The following NCOA2 variants were observed in gnomAD, a reference collection of about 807,000 sequenced individuals.
The protein encoded by NCOA2 is nuclear receptor coactivator 2, also known as class E basic helix-loop-helix protein 75.
NCOA2 carries 21 observed loss-of-function variants against 145.1 expected under a neutral mutation model. The ratio of observed to expected loss-of-function variants is 0.14; its 90% CI spans 0.10 to 0.21. The LOEUF (loss-of-function observed/expected upper bound fraction) is 0.21, where lower values mean the gene tolerates loss of function less well. NCOA2 is among the 10% of genes least tolerant of loss of function. NCOA2 has a pLI of 1.00. For synonymous variants in NCOA2, 619 were observed against 637.5 expected, an observed-to-expected ratio of 0.97 and a Z score of 0.44; for missense variants, 1,472 against 1,837.6, an observed-to-expected ratio of 0.80 and a Z score of 3.64.
chr8:70,392,186 A>G (rs1813269600), intron 1 of NCOA2, among the ~76,000 whole-genome samples: 1 of 152,220 alleles, frequency 6.6e-6, no homozygotes. Flanking sequence ...TTTTTTTGTC[A>G]GGAACTGAAA....
intron 1 of NCOA2, among the ~76,000 whole-genome samples, chr8:70,395,117 C>T (rs1034298214): frequency 9.2e-5 from 14 of 152,144 alleles, no homozygotes; most frequent in Non-Finnish European, 2.1e-4. Context: ...TTTTCACTAC[C>T]ACTTATATTT....
At chr8:70,378,269 C>A (rs1367217689) in intron 1 of NCOA2, among the ~76,000 whole-genome samples, 1 of 151,880 alleles carries the variant, frequency 6.6e-6, no homozygotes, top group Non-Finnish European at 1.5e-5. Flanking sequence ...ATAGTGAGAC[C>A]CCATCGCCAT....
At chr8:70,116,289 C>T (rs553647425) in intron 22 of NCOA2, among the ~76,000 whole-genome samples, 1 of 151,684 alleles carries the variant, frequency 6.6e-6, no homozygotes, top group Non-Finnish European at 1.5e-5. Context: ...CAGTGGCTCA[C>T]GCCTGTAATC....
At chr8:70,124,935 G>T (rs1808252987) in intron 19 of NCOA2, 70 bp from the exon 20 acceptor site, 10 of 1,372,106 alleles carry the variant, frequency 7.3e-6, no homozygotes, top group Admixed American at 5.0e-5. Context: ...TGGTGGGGGG[G>T]AAAGAACATT....
intron 1 of NCOA2, among the ~76,000 whole-genome samples, chr8:70,394,131 C>G (rs1813450558): frequency 6.6e-6 from 1 of 152,170 alleles, no homozygotes; most frequent in African/African-American, 2.4e-5. Context: ...GAAAAGAGTA[C>G]AGTGGTGCTC....
intron 1 of NCOA2, among the ~76,000 whole-genome samples, chr8:70,346,354 T>G (rs114089166): frequency 2.3e-3 from 353 of 152,330 alleles, no homozygotes; most frequent in African/African-American, 7.5e-3. Context: ...TAAACATTTA[T>G]TACTTCTCTT....
At chr8:70,418,784 A>G in the NCOA2 span, among the ~76,000 whole-genome samples, 1 of 152,240 alleles carries the variant, frequency 6.6e-6, no homozygotes, top group Non-Finnish European at 1.5e-5. Context: ...TTTCAAAAGA[A>G]TATACATAAC....
chr8:70,348,097 A>C (rs10504473), intron 1 of NCOA2, among the ~76,000 whole-genome samples: 37,058 of 152,192 alleles, frequency 0.24, 5,657 homozygotes, highest in East Asian at 0.57. Context: ...TAAGCAAGTA[A>C]ACAATTGGCT....
chr8:70,405,935 C>A (rs1217032393), upstream of NCOA2, among the ~76,000 whole-genome samples: 1 of 152,172 alleles, frequency 6.6e-6, no homozygotes, highest in East Asian at 1.9e-4. Flanking sequence ...GTTCCATGCC[C>A]AAGTGCTACT....
At chr8:70,341,082 G>GAAAAAAAAAAAA (rs3085558) in intron 1 of NCOA2, among the ~76,000 whole-genome samples, 14 of 105,062 alleles carry the variant, frequency 1.3e-4, no homozygotes, top group African/African-American at 3.9e-4. Context: ...TTAAAAAGTT[G>GAAAAAAAAAAAA]AAAAAAAAAA....
chr8:70,224,732 T>C (rs1820458569), intron 2 of NCOA2, among the ~76,000 whole-genome samples: 1 of 151,872 alleles, frequency 6.6e-6, no homozygotes, highest in Admixed American at 6.6e-5. Context: ...CAAATGTATC[T>C]TTTCAAACTC....
chr8:70,354,390 T>TCTGCA (rs1809499388), intron 1 of NCOA2, among the ~76,000 whole-genome samples: 1 of 152,196 alleles, frequency 6.6e-6, no homozygotes, highest in Non-Finnish European at 1.5e-5. Context: ...CAATGAAAAG[T>TCTGCA]CTGCACCTTC....
At chr8:70,439,471 G>C in the NCOA2 span, among the ~76,000 whole-genome samples, 1 of 152,164 alleles carries the variant, frequency 6.6e-6, no homozygotes, top group Non-Finnish European at 1.5e-5. Context: ...AAGGCACTCG[G>C]GGGGAGGAAA....
intron 2 of NCOA2, among the ~76,000 whole-genome samples, chr8:70,243,026 GATA>G (rs1822281037): frequency 6.6e-6 from 1 of 151,988 alleles, no homozygotes; most frequent in Admixed American, 6.6e-5. Flanking sequence ...TCTTAACTCT[GATA>G]ATAATACTGG....
At chr8:70,263,738 A>C (rs1474746078) in intron 2 of NCOA2, among the ~76,000 whole-genome samples, 1 of 151,916 alleles carries the variant, frequency 6.6e-6, no homozygotes, top group Non-Finnish European at 1.5e-5. Flanking sequence ...CAAAAAAAAA[A>C]CAAACAAACA....
At chr8:70,382,881 C>T (rs1812337824) in intron 1 of NCOA2, among the ~76,000 whole-genome samples, 1 of 152,180 alleles carries the variant, frequency 6.6e-6, no homozygotes, top group Admixed American at 6.5e-5. Context: ...ACTTTTCCTG[C>T]TAAAAGCTCA....
At chr8:70,428,289 C>CA in the NCOA2 span, among the ~76,000 whole-genome samples, 834 of 129,386 alleles carry the variant, frequency 6.4e-3, 4 homozygotes, top group African/African-American at 0.017. Flanking sequence ...CCTGTCTCTA[C>CA]AAAAAAAAAA....
chr8:70,225,923 A>G (rs1311833181), intron 2 of NCOA2, among the ~76,000 whole-genome samples: 1 of 152,138 alleles, frequency 6.6e-6, no homozygotes, highest in Non-Finnish European at 1.5e-5. Flanking sequence ...GCAATAATAC[A>G]TACCTTTATA....
intron 2 of NCOA2, among the ~76,000 whole-genome samples, chr8:70,242,776 C>T (rs958005482): frequency 6.6e-6 from 1 of 152,100 alleles, no homozygotes; most frequent in Non-Finnish European, 1.5e-5. Context: ...CCTATGAACA[C>T]ATTTCACTGA....
Sources: gnomAD v4.1 joint callset for allele counts (sites outside exome capture counted in the v4.1 genomes callset) on GRCh38, gnomAD v4.1.1 for gene constraint, MANE v1.5 for transcripts, NCBI Gene and HGNC (gene_info 2026-07-23, HGNC 2026-07-21) for gene names.